The following NRXN3 variants were observed in gnomAD, a reference collection of about 807,000 sequenced individuals.
NRXN3 encodes the protein neurexin III.
NRXN3 carries 32 observed loss-of-function variants against 137.6 expected under a neutral mutation model. That is an observed-to-expected ratio of 0.23 (90% CI 0.18 to 0.31). The LOEUF is 0.31. Ranked by LOEUF, NRXN3 falls within the 10% of genes least tolerant of loss-of-function variation. NRXN3 has a pLI of 1.00. For missense variants in NRXN3, 1,574 were observed against 2,062.5 expected, an observed-to-expected ratio of 0.76 and a Z score of 4.59; for synonymous variants, 798 against 784.5, an observed-to-expected ratio of 1.02 and a Z score of -0.29.
At chr14:78,841,935 C>A (rs2099013599) in intron 10 of NRXN3, among the ~76,000 whole-genome samples, 1 of 152,150 alleles carries the variant, frequency 6.6e-6, no homozygotes, top group South Asian at 2.1e-4. Flanking sequence ...TAGCACCCAT[C>A]TTTCAGGGTT....
Position 78,709,184 on chromosome 14 carries a change from A to T in NRXN3, c.1222-33A>T, listed in dbSNP as rs773575821. On this transcript the variant is annotated intron_variant, in intron 6 of 20. Transcript: ENST00000335750. ...TGGATGGATACTGTTTGCAAGATTG[A>T]TTCACATGGCACTTTTGTTTGGCTT... is the stretch of plus-strand genomic sequence containing the variant. 26 of 1,579,622 alleles carry T rather than the reference A, an allele frequency of 1.6e-5. No individual in the cohort carries two copies. In the East Asian group the frequency reaches 5.4e-4, roughly 33 times the overall value.
At chr14:78,596,955 CA>C (rs1209069310) in intron 4 of NRXN3, among the ~76,000 whole-genome samples, 27 of 152,308 alleles carry the variant, frequency 1.8e-4, no homozygotes, top group African/African-American at 6.5e-4. Flanking sequence ...GAGAAAGCTG[CA>C]AAAACGTTCG....
intron 15 of NRXN3, among the ~76,000 whole-genome samples, chr14:79,288,909 A>T (rs1230115636): frequency 6.6e-6 from 1 of 152,096 alleles, no homozygotes; most frequent in Non-Finnish European, 1.5e-5. Flanking sequence ...TTTTTTTTGA[A>T]TGAATGAATC....
intron 15 of NRXN3, among the ~76,000 whole-genome samples, chr14:79,032,195 A>C (rs114452151): frequency 2.0e-5 from 3 of 152,122 alleles, no homozygotes; most frequent in Admixed American, 2.0e-4. Context: ...TGGGAAATTT[A>C]TTTTCTCTGA....
Position 78,243,334 on chromosome 14 carries a change from G to C in NRXN3, c.241G>C (p.Val81Leu), listed in dbSNP as rs763869653. ...CTGCGACTTCCTATGCCTCTCCCTG[G>C]TGGATGGCCGCGTTCAGCTCCGCTT... Reference protein sequence around the residue: ...GVCDFLCLSLVDGRVQLRFSM... With the variant: ...GVCDFLCLSLLDGRVQLRFSM... Residue 81 changes from valine to leucine, a missense_variant, in exon 2 of 21, where the codon GTG becomes CTG. Around this residue, in one of 5 missense-constraint regions of NRXN3, gnomAD observed 400 missense variants for 527.3 expected, o/e 0.76. Coordinates refer to ENST00000335750, the MANE Select transcript of NRXN3 (RefSeq NM_001330195.2). The surrounding 1 kb of genome is among the most constrained non-coding windows in gnomAD (Gnocchi z 4.2). 7 of 1,559,926 alleles carry C rather than the reference G, an allele frequency of 4.5e-6. No individual in the cohort carries two copies. In the Admixed American group the frequency reaches 7.4e-5, roughly 16 times the overall value.
At chr14:79,841,812 A>T (rs1324835707) in intron 20 of NRXN3, among the ~76,000 whole-genome samples, 2 of 152,224 alleles carry the variant, frequency 1.3e-5, no homozygotes, top group Admixed American at 1.3e-4. Flanking sequence ...TCAGATAGTG[A>T]TGTATTTTTT....
intron 15 of NRXN3, among the ~76,000 whole-genome samples, chr14:79,463,631 G>T (rs1331263079): frequency 6.6e-6 from 1 of 152,102 alleles, no homozygotes; most frequent in Admixed American, 6.5e-5. Context: ...TGCAAATCCT[G>T]CAGTGTTAAA....
At chr14:79,091,174 T>C (rs561180921) in intron 15 of NRXN3, among the ~76,000 whole-genome samples, 12 of 152,216 alleles carry the variant, frequency 7.9e-5, no homozygotes, top group Admixed American at 7.2e-4. Flanking sequence ...TCATTTTTTT[T>C]TGTCAGGTGC....
In NRXN3 at chr14:78,290,002, C is replaced by T. The variant is rs189477529; in HGVS notation, c.728-7829C>T. On this transcript the variant is annotated intron_variant, in intron 3 of 20. Coordinates refer to ENST00000335750, the MANE Select transcript of NRXN3 (RefSeq NM_001330195.2). ...ACAAAGTTAGCTGCACATAGTAGTT[C>T]CTTGAGCTGTTCTGCATGTTGACAT... Among the ~76,000 whole-genome samples the T allele has an allele frequency of 1.4e-3, 211 of 152,312 alleles. 2 individuals carry two copies. The highest frequency in any genetic ancestry group is 4.9e-3 in the African/African-American group (203 of 41,574).
intron 16 of NRXN3, among the ~76,000 whole-genome samples, chr14:79,506,680 T>C (rs751504846): frequency 7.9e-5 from 12 of 152,214 alleles, no homozygotes; most frequent in Non-Finnish European, 1.8e-4. Flanking sequence ...TTTTTTCTCC[T>C]TAGTCTTTCT....
intron 19 of NRXN3, among the ~76,000 whole-genome samples, chr14:79,762,605 T>C (rs1283436823): frequency 2.0e-5 from 3 of 151,716 alleles, no homozygotes; most frequent in Non-Finnish European, 4.4e-5. Flanking sequence ...TCAATATGTT[T>C]GGCTTCTGTA....
At position 78,448,381 on chromosome 14, in the gene NRXN3, A is replaced by G. The variant is rs114767244; in HGVS notation, c.757+150521A>G. 3.1e-3 allele frequency among the ~76,000 whole-genome samples: 475 copies of G among 152,302 alleles called. 2 individuals are homozygous for G. The highest frequency in any genetic ancestry group is 0.011 in the African/African-American group (452 of 41,556). ...AATACAAGCGTTGCTGGAGGAGGTG[A>G]CTCAATAGGTCATGGGTACTTGCAT... On this transcript the variant is annotated intron_variant, in intron 4 of 20. Coordinates refer to ENST00000335750, the MANE Select transcript of NRXN3 (RefSeq NM_001330195.2).
chr14:78,933,706 T>C (rs1567745120), intron 10 of NRXN3, among the ~76,000 whole-genome samples: 1 of 152,176 alleles, frequency 6.6e-6, no homozygotes. Context: ...CAAACACACA[T>C]AATGAAATGG....
chr14:78,611,425 CTT>C (rs35934245), intron 4 of NRXN3, among the ~76,000 whole-genome samples: 21 of 146,236 alleles, frequency 1.4e-4, no homozygotes, highest in African/African-American at 4.0e-4. Flanking sequence ...TTTCCCTCCT[CTT>C]TTTTTTTTTT....
At chr14:78,718,415 A>G (rs2098444284) in intron 8 of NRXN3, among the ~76,000 whole-genome samples, 1 of 152,186 alleles carries the variant, frequency 6.6e-6, no homozygotes, top group African/African-American at 2.4e-5. Context: ...CAGGTCAGAC[A>G]CTAGACACTA....
In NRXN3 at chr14:78,677,555, A is replaced by G. The variant is rs1472380918; in HGVS notation, c.1221+26229A>G. 2.0e-5 allele frequency among the ~76,000 whole-genome samples: 3 copies of G among 152,160 alleles called. 1 individual carries two copies. The highest frequency in any genetic ancestry group is 4.1e-4 in the South Asian group (2 of 4,832). On this transcript the variant is annotated intron_variant, in intron 6 of 20. Transcript: ENST00000335750. The stretch of plus-strand genomic sequence containing the variant: ...TAAAAGAGCAGTTTCTTGAGATGGA[A>G]TCCACTCTTGGTAAAGATGCTGTGG...
intron 16 of NRXN3, among the ~76,000 whole-genome samples, chr14:79,542,622 C>T (rs1364222750): frequency 1.3e-5 from 2 of 152,192 alleles, no homozygotes; most frequent in Non-Finnish European, 2.9e-5. Flanking sequence ...AAAGACCCCA[C>T]AGTCCTCTTT....
At position 79,579,750 on chromosome 14, in the gene NRXN3, G is replaced by C. The variant is rs1783306894; in HGVS notation, c.3445-84028G>C. 4.6e-5 allele frequency among the ~76,000 whole-genome samples: 7 copies of C among 151,956 alleles called. No individual in the cohort carries two copies. In the South Asian group the frequency reaches 1.5e-3, roughly 32 times the overall value. Reference sequence around the variant, plus strand: ...CATAACGTGTAATGATGGGTATTTGGGATATCCATCACCTTGAGTATTTAT... The same window carrying C: ...CATAACGTGTAATGATGGGTATTTGCGATATCCATCACCTTGAGTATTTAT... On this transcript the variant is annotated intron_variant, in intron 16 of 20. Coordinates refer to ENST00000335750, the MANE Select transcript of NRXN3 (RefSeq NM_001330195.2).
At chr14:78,493,552 A>AAATAAATT (rs2095709786) in intron 4 of NRXN3, among the ~76,000 whole-genome samples, 1 of 150,906 alleles carries the variant, frequency 6.6e-6, no homozygotes, top group Non-Finnish European at 1.5e-5. Context: ...ATAAATAAAT[A>AAATAAATT]AATAAATAAA....
Sources: gnomAD v4.1 joint callset for allele counts (sites outside exome capture counted in the v4.1 genomes callset) on GRCh38, gnomAD v4.1.1 for gene constraint, gnomAD v4.1.1 regional missense constraint, Gnocchi (gnomAD v3.1) non-coding constraint, MANE v1.5 for transcripts, NCBI Gene and HGNC (gene_info 2026-07-23, HGNC 2026-07-21) for gene names.